The following ECPAS variants were observed in gnomAD, a reference collection of about 807,000 sequenced individuals.
The protein encoded by ECPAS is Ecm29 proteasome adaptor and scaffold.
ECPAS carries 70 observed loss-of-function variants against 255.1 expected under a neutral mutation model. The ratio of observed to expected loss-of-function variants is 0.27; its 90% CI spans 0.23 to 0.33. The LOEUF (loss-of-function observed/expected upper bound fraction) is 0.33. Ranked by LOEUF, ECPAS falls within the 10% of genes least tolerant of loss-of-function variation. The pLI is 1.00. For missense variants in ECPAS, 1,817 were observed against 2,206.4 expected (o/e 0.82, Z 3.54); for synonymous variants, 784 against 775.0 (o/e 1.01, Z -0.19).
intron 5 of ECPAS, among the ~76,000 whole-genome samples, chr9:111,441,539 T>C (rs550561610): frequency 6.6e-6 from 1 of 152,262 alleles, no homozygotes; most frequent in South Asian, 2.1e-4. Flanking sequence ...CTAAAGTTAT[T>C]CTAAAAATTA....
intron 25 of ECPAS, 90 bp downstream of exon 25, chr9:111,396,940 G>C: frequency 6.8e-7 from 1 of 1,460,408 alleles, no homozygotes; most frequent in Non-Finnish European, 9.5e-7. Flanking sequence ...CAGTAATATG[G>C]AATGTGTAAT....
At chr9:111,441,037 A>G (rs1269041454) in intron 5 of ECPAS, among the ~76,000 whole-genome samples, 1 of 151,988 alleles carries the variant, frequency 6.6e-6, no homozygotes, top group African/African-American at 2.4e-5. Flanking sequence ...CTGTAGTCCT[A>G]GCTACTTGGC....
chr9:111,426,029 G>C (rs1490109520), intron 10 of ECPAS, among the ~76,000 whole-genome samples: 1 of 152,136 alleles, frequency 6.6e-6, no homozygotes, highest in Non-Finnish European at 1.5e-5. Flanking sequence ...CAAACACAAT[G>C]GTTGATCGCA....
intron 2 of ECPAS, among the ~76,000 whole-genome samples, chr9:111,451,806 T>C (rs1398652732): frequency 6.6e-6 from 1 of 152,174 alleles, no homozygotes; most frequent in Non-Finnish European, 1.5e-5. Context: ...ACATGCAACG[T>C]TATTCAGTTT....
At chr9:111,466,309 A>G (rs560761238) in intron 2 of ECPAS, among the ~76,000 whole-genome samples, 89 of 151,940 alleles carry the variant, frequency 5.9e-4, no homozygotes, top group Non-Finnish European at 8.1e-4. Flanking sequence ...GCTGGGCATG[A>G]TGGTGTGCAT....
At position 111,404,224 on chromosome 9, in the gene ECPAS, G is replaced by T. The variant is rs1161065566; in HGVS notation, c.2652+4347C>A. 3.4e-5 allele frequency among the ~76,000 whole-genome samples: 5 copies of T among 148,600 alleles called. 2 individuals carry two copies. Among genetic ancestry groups the T allele is most frequent in the African/African-American group, 1.3e-4 (5 of 38,862 alleles). Reference sequence around the variant, plus strand: ...AAAGAACTAGAAAAGCAAAAGCAAAGCAAACCCAAAATTAATAAAGGAAAG... The same window carrying T: ...AAAGAACTAGAAAAGCAAAAGCAAATCAAACCCAAAATTAATAAAGGAAAG... On this transcript the variant is annotated intron_variant, in intron 24 of 49. Transcript: ENST00000684092.
At chr9:111,423,514 T>G (rs1041576) in intron 12 of ECPAS, among the ~76,000 whole-genome samples, 51,576 of 152,060 alleles carry the variant, frequency 0.34, 10,907 homozygotes, top group Non-Finnish European at 0.48. Flanking sequence ...AATGCAGTGG[T>G]CATAGATATG....
At chr9:111,426,056 G>T (rs1253838984) in intron 10 of ECPAS, among the ~76,000 whole-genome samples, 3 of 152,206 alleles carry the variant, frequency 2.0e-5, no homozygotes, top group African/African-American at 7.2e-5. Context: ...TGCAAAGATT[G>T]TGGGTCTACC....
At chr9:111,459,934 T>G (rs972220244) in intron 2 of ECPAS, among the ~76,000 whole-genome samples, 3 of 152,146 alleles carry the variant, frequency 2.0e-5, no homozygotes, top group African/African-American at 7.2e-5. Flanking sequence ...AACACATCCC[T>G]GAATGTTAAG....
chr9:111,431,891 T>G (rs994165947), intron 8 of ECPAS, among the ~76,000 whole-genome samples: 1 of 152,226 alleles, frequency 6.6e-6, no homozygotes, highest in Non-Finnish European at 1.5e-5. Flanking sequence ...ACATCTTTCC[T>G]CAGCTGATTG....
intron 6 of ECPAS, among the ~76,000 whole-genome samples, chr9:111,437,638 C>T (rs999466761): frequency 2.6e-5 from 4 of 152,048 alleles, no homozygotes; most frequent in African/African-American, 9.7e-5. Context: ...AAGCACGTAC[C>T]ACATAAGCAC....
In ECPAS at chr9:111,390,045, G is replaced by C. The variant is rs1400601726; in HGVS notation, c.3218C>G (p.Pro1073Arg). The C allele has an allele frequency of 2.5e-6, 4 of 1,602,196 alleles. No individual in the cohort carries two copies. The highest frequency in any genetic ancestry group is 1.7e-5 in the Admixed American group (1 of 59,532). Residue 1073 changes from proline to arginine, a missense_variant, in exon 30 of 50, where the codon CCA becomes CGA. Physicochemically the swap from Pro to Arg is moderately radical, Grantham distance 103. This residue lies in a region of ECPAS where 960 missense variants were observed against 1,179.0 expected (regional missense o/e 0.81). Coordinates refer to ENST00000684092, the MANE Select transcript of ECPAS (RefSeq NM_001364929.1). ...LCSLASDLSQ[P>R]DLVYKFMNLA... The stretch of plus-strand genomic sequence containing the variant: ...ATTCATAAATTTATACACCAGATCT[G>C]GCTGGCTAAGATCACTTGCCAGAGA...
intron 42 of ECPAS, among the ~76,000 whole-genome samples, chr9:111,372,080 G>A (rs2098128031): frequency 6.6e-6 from 1 of 152,132 alleles, no homozygotes; most frequent in Non-Finnish European, 1.5e-5. Flanking sequence ...ATGCGACAAG[G>A]TGAAAAACAC....
rs1170299562 is a variant in ECPAS, at chr9:111,378,786, AC to A, written c.3804-57del. The A allele has an allele frequency of 6.6e-6, 10 of 1,508,184 alleles. No homozygotes were observed. The Admixed American group carries it at 1.9e-4, about 29-fold the overall frequency. 93.4% of individuals were successfully genotyped at this position (1,508,184 alleles called of 1,614,324 possible). Reference sequence around the variant, plus strand: ...CCTTTTAACAAAAGTGAGAAGACCTACAAATCTAACCATGAGGATGTTCTGC... The same window carrying A: ...CCTTTTAACAAAAGTGAGAAGACCTAAAATCTAACCATGAGGATGTTCTGC... On this transcript the variant is annotated intron_variant, in intron 35 of 49. Transcript: ENST00000684092.
At position 111,418,111 on chromosome 9, in the gene ECPAS, A is replaced by C. The variant is rs936385176; in HGVS notation, c.1560-105T>G. ...TTTATTTGGCAGCTAGAGTTCTCAGAAAATGTCTTAAATACATTCTTGGCT... is the reference window on the plus strand; with the variant it reads ...TTTATTTGGCAGCTAGAGTTCTCAGCAAATGTCTTAAATACATTCTTGGCT... On this transcript the variant is annotated intron_variant, in intron 16 of 49. Transcript: ENST00000684092. 3.0e-6 allele frequency: 3 copies of C among 1,002,532 alleles called. No homozygotes were observed. In the African/African-American group the frequency reaches 5.0e-5, roughly 17 times the overall value. 62.1% of individuals were successfully genotyped at this position (1,002,532 alleles called of 1,614,324 possible).
chr9:111,431,559 G>GAA (rs778966448), intron 8 of ECPAS, among the ~76,000 whole-genome samples: 11 of 82,652 alleles, frequency 1.3e-4, no homozygotes, highest in Non-Finnish European at 1.5e-4. Context: ...CTCTGTCTCA[G>GAA]AAAAAAAAAA....
intron 48 of ECPAS, among the ~76,000 whole-genome samples, chr9:111,364,798 T>C (rs763202836): frequency 2.6e-5 from 4 of 152,226 alleles, no homozygotes; most frequent in Non-Finnish European, 4.4e-5. Context: ...TGCCTCTTAA[T>C]GTGAGGACAC....
chr9:111,397,165 G>A lies in ECPAS; in HGVS notation c.2653-12C>T. 1 of 1,612,658 alleles carries A rather than the reference G, an allele frequency of 6.2e-7. No homozygotes were observed. The highest frequency in any genetic ancestry group is 8.5e-7 in the Non-Finnish European group (1 of 1,179,348). On this transcript the variant is annotated splice_polypyrimidine_tract_variant and intron_variant, in intron 24 of 49. Coordinates refer to ENST00000684092, the MANE Select transcript of ECPAS (RefSeq NM_001364929.1). ...TCTATCTGCTTGGCCTGCAACGAAG[G>A]AAGTAAAAACCATGAATGAGAAAAC...
intron 8 of ECPAS, among the ~76,000 whole-genome samples, chr9:111,431,382 A>C (rs2098229745): frequency 6.6e-6 from 1 of 152,072 alleles, no homozygotes; most frequent in Non-Finnish European, 1.5e-5. Context: ...GCATGGCGAA[A>C]CCCCATCTCT....
Sources: gnomAD v4.1 joint callset for allele counts (sites outside exome capture counted in the v4.1 genomes callset) on GRCh38, gnomAD v4.1.1 for gene constraint, gnomAD v4.1.1 regional missense constraint, MANE v1.5 for transcripts, NCBI Gene and HGNC (gene_info 2026-07-23, HGNC 2026-07-21) for gene names.